The following ITGB2 variants were observed in gnomAD, a reference collection of about 807,000 sequenced individuals.
The protein encoded by ITGB2 is integrin subunit beta 2.
Under a neutral mutation model 86.8 loss-of-function variants are expected in ITGB2, and 56 were observed. The observed-to-expected ratio is 0.65, with a 90% CI of 0.52 to 0.81. ITGB2 has a LOEUF of 0.81. Ranked by LOEUF, ITGB2 falls within the 30% of genes least tolerant of loss-of-function variation. ITGB2 has a pLI of 0.00. For missense variants in ITGB2, 948 were observed against 1,061.2 expected (o/e 0.89, Z 1.48); for synonymous variants, 457 against 450.4 (o/e 1.01, Z -0.19).
At chr21:44,900,613 A>G (rs2083939851) in intron 6 of ITGB2, 138 bp from the exon 7 acceptor site, 2 of 1,054,672 alleles carry the variant, frequency 1.9e-6, no homozygotes, top group Non-Finnish European at 2.8e-6. Context: ...GGTCTCAGGG[A>G]CCCAGCTGTG....
chr21:44,891,324 A>G (rs1385093999), intron 11 of ITGB2, among the ~76,000 whole-genome samples: 1 of 151,892 alleles, frequency 6.6e-6, no homozygotes, highest in Non-Finnish European at 1.5e-5. Flanking sequence ...AGAAGCCATC[A>G]CCTGTCCCAG....
chr21:44,887,277 TCA>T (rs2083713248), intron 14 of ITGB2, among the ~76,000 whole-genome samples: 1 of 152,142 alleles, frequency 6.6e-6, no homozygotes, highest in Non-Finnish European at 1.5e-5. Flanking sequence ...CTGCTGGAGT[TCA>T]CTCCCCATAC....
In ITGB2 at chr21:44,886,341, T is replaced by C. The variant is rs1050120320; in HGVS notation, c.*27A>G. ...GTGATGGGGCAGACATGGTGGGTCC[T>C]GACGGCCTTGTCTTCACCAAGTGCT... On this transcript the variant is annotated 3_prime_UTR_variant, in exon 16 of 16. Coordinates refer to ENST00000652462, the MANE Select transcript of ITGB2 (RefSeq NM_000211.5). 2 of 1,608,762 alleles carry C rather than the reference T, an allele frequency of 1.2e-6. No individual in the cohort carries two copies. Among genetic ancestry groups the C allele is most frequent in the African/African-American group, 1.3e-5 (1 of 74,962 alleles).
intron 9 of ITGB2, 177 bp from the exon 10 acceptor site, chr21:44,893,721 A>G (rs1002423894): frequency 3.8e-6 from 3 of 792,548 alleles, no homozygotes; most frequent in Non-Finnish European, 2.1e-6. Flanking sequence ...TGCCAGGGCC[A>G]CAGTCCTGCC....
chr21:44,892,618 A>G (rs1273792415), intron 10 of ITGB2, among the ~76,000 whole-genome samples: 1 of 151,676 alleles, frequency 6.6e-6, no homozygotes, highest in African/African-American at 2.4e-5. Context: ...AAAAAAAAAA[A>G]AAAAAAAAAT....
rs983119904 is a variant in ITGB2 at position 44,891,948 on chromosome 21, A to G, written c.1273T>C (p.Ser425Pro). The G allele has an allele frequency of 1.2e-6, 2 of 1,613,298 alleles. No homozygotes were observed. The highest frequency in any genetic ancestry group is 1.6e-4 in the Middle Eastern group (1 of 6,062). The stretch of plus-strand genomic sequence containing the variant: ...AAGCCCAGCGCCCGGATGACAAACG[A>G]CTGCTCCTGGATGCACTCTGTGGCC... ...VTATECIQEQ[S>P]FVIRALGFTD... The change falls in exon 11 of 16, where the codon TCG (serine) becomes CCG (proline). Residue 425 changes from serine to proline, a missense_variant. Physicochemically the swap from Ser to Pro is moderately conservative, Grantham distance 74. Transcript: ENST00000652462.
At position 44,887,023 on chromosome 21, in the gene ITGB2, G is replaced by A. The variant is rs8128353; in HGVS notation, c.2081-121C>T. 20,825 of 1,224,974 alleles carry A rather than the reference G, an allele frequency of 0.017. 2,607 individuals carry two copies. In the African/African-American group the frequency reaches 0.27, roughly 16 times the overall value. The allele number at this position is 1,224,974 out of a possible 1,614,324, so 75.9% of individuals were successfully genotyped here. A position where few individuals can be genotyped will look rare whatever the true frequency, so the allele number is the denominator to read the frequency against. On this transcript the variant is annotated intron_variant, in intron 14 of 15. Coordinates refer to ENST00000652462, the MANE Select transcript of ITGB2 (RefSeq NM_000211.5). The stretch of plus-strand genomic sequence containing the variant: ...GAGAGACGGAGGTTCCCAGGGCCCC[G>A]GCTCACCATCCATCACCATGGCCAG...
At position 44,886,823 on chromosome 21, in the gene ITGB2, C is replaced by G. The variant is rs1334590511; in HGVS notation, c.2160G>C (p.Leu720=). 7 of 1,613,804 alleles carry G rather than the reference C, an allele frequency of 4.3e-6. No homozygotes were observed. The Admixed American group carries it at 1.2e-4, about 27-fold the overall frequency. ...GGTGGATCAGAGCCTTCCAGATGAC[C>G]AGCAGGAGAATGCCGATCAGCACGA... The part of the protein sequence containing the change: ...AGIVLIGILL[L]VIWKALIHLS... The change falls in exon 15 of 16, where the codon CTG becomes CTC. Residue 720 remains leucine (L), a synonymous_variant. Coordinates refer to ENST00000652462, the MANE Select transcript of ITGB2 (RefSeq NM_000211.5).
intron 1 of ITGB2, chr21:44,911,542 C>A (rs886901894): frequency 6.6e-6 from 1 of 152,520 alleles, no homozygotes; most frequent in Non-Finnish European, 1.5e-5. Context: ...GAAGAGAAAG[C>A]TGGCTTGATG....
chr21:44,889,189 CTG>C, intron 13 of ITGB2, 85 bp downstream of exon 13: 1 of 1,347,034 alleles, frequency 7.4e-7, no homozygotes, highest in Non-Finnish European at 1.1e-6. Flanking sequence ...GAGGTGCTCA[CTG>C]GGGTCCCCGA....
chr21:44,896,986 G>A (rs75491402), intron 8 of ITGB2, among the ~76,000 whole-genome samples: 1,814 of 152,334 alleles, frequency 0.012, 15 homozygotes, highest in Non-Finnish European at 0.018. Context: ...GGGACACAGG[G>A]CTGTGACATC....
At chr21:44,893,771 G>A (rs1473488474) in intron 9 of ITGB2, 3 of 557,108 alleles carry the variant, frequency 5.4e-6, no homozygotes, top group Non-Finnish European at 1.0e-5. Flanking sequence ...ATGGAGCCAG[G>A]GTGTGAGCCT....
chr21:44,927,828 G>A (rs1397172405), intron 1 of ITGB2: 1 of 152,294 alleles, frequency 6.6e-6, no homozygotes, highest in African/African-American at 2.4e-5. Context: ...GCTCCAACGA[G>A]CTCTTTCTCA....
intron 15 of ITGB2, 122 bp from the exon 16 acceptor site, chr21:44,886,552 C>G: frequency 7.2e-7 from 1 of 1,385,182 alleles, no homozygotes; most frequent in Non-Finnish European, 1.0e-6. Context: ...CGTGGGGCAG[C>G]CCCCCCAGGG....
At chr21:44,889,190 T>TC in intron 13 of ITGB2, 86 bp downstream of exon 13, 1 of 1,349,952 alleles carries the variant, frequency 7.4e-7, no homozygotes, top group Non-Finnish European at 1.1e-6. Context: ...AGGTGCTCAC[T>TC]GGGGTCCCCG....
chr21:44,886,991 G>A (rs2083709931), intron 14 of ITGB2, 89 bp from the exon 15 acceptor site: 1 of 1,519,406 alleles, frequency 6.6e-7, no homozygotes, highest in Non-Finnish European at 9.0e-7. Flanking sequence ...CCACAACACA[G>A]CACTTAGAGA....
chr21:44,922,229 T>C (rs1305478939), upstream of ITGB2, among the ~76,000 whole-genome samples: 1 of 152,182 alleles, frequency 6.6e-6, no homozygotes, highest in African/African-American at 2.4e-5. Context: ...AGGGAGCACA[T>C]TGCCGTTCCA....
intron 4 of ITGB2, among the ~76,000 whole-genome samples, 182 bp downstream of exon 4, chr21:44,906,733 C>T (rs558244570): frequency 1.3e-4 from 20 of 152,252 alleles, no homozygotes; most frequent in South Asian, 6.2e-4. Context: ...GGGGACAGAG[C>T]GGAAGGGCAC....
chr21:44,888,979 CA>C (rs1407808748), intron 13 of ITGB2, 84 bp from the exon 14 acceptor site: 142 of 1,281,468 alleles, frequency 1.1e-4, no homozygotes, highest in South Asian at 4.0e-4. Context: ...GTGTGTCCAC[CA>C]GGGGGGGCAG....
Sources: gnomAD v4.1 joint callset for allele counts (sites outside exome capture counted in the v4.1 genomes callset) on GRCh38, gnomAD v4.1.1 for gene constraint, MANE v1.5 for transcripts, NCBI Gene and HGNC (gene_info 2026-07-23, HGNC 2026-07-21) for gene names.